Variants in GSK3B observed in about 807,000 individuals in gnomAD.
The protein encoded by GSK3B is glycogen synthase kinase 3 beta.
A neutral mutation model predicts 56.4 loss-of-function variants in GSK3B; 15 were observed. That is an observed-to-expected ratio of 0.27 (90% CI 0.18 to 0.41). The LOEUF is 0.41. GSK3B is among the 10% of genes least tolerant of loss of function. GSK3B has a pLI of 1.00. For synonymous variants in GSK3B, 181 were observed against 188.9 expected (o/e 0.96, Z 0.34); for missense variants, 300 against 513.4 (o/e 0.58, Z 4.02).
chr3:120,059,297 C>T (rs1419265265), intron 1 of GSK3B, among the ~76,000 whole-genome samples: 2 of 152,172 alleles, frequency 1.3e-5, no homozygotes, highest in African/African-American at 2.4e-5. Context: ...TTCTTCTCTT[C>T]GTTACTGCCC....
intron 1 of GSK3B, among the ~76,000 whole-genome samples, chr3:120,059,523 G>T (rs2058219539): frequency 6.6e-6 from 1 of 152,140 alleles, no homozygotes; most frequent in East Asian, 1.9e-4. Context: ...CAATCCTACA[G>T]CAAGTTTCAT....
intron 1 of GSK3B, among the ~76,000 whole-genome samples, chr3:120,017,467 C>T (rs1416803905): frequency 1.3e-5 from 2 of 152,154 alleles, no homozygotes; most frequent in Non-Finnish European, 2.9e-5. Context: ...TTCTGACAAC[C>T]CAAATGCCCC....
chr3:119,990,370 C>A (rs144739503), intron 2 of GSK3B, among the ~76,000 whole-genome samples: 232 of 152,274 alleles, frequency 1.5e-3, no homozygotes, highest in Middle Eastern at 3.4e-3. Context: ...TAAGAGAAAG[C>A]GCTCCTGATC....
chr3:120,040,375 G>C (rs75912592), intron 1 of GSK3B, among the ~76,000 whole-genome samples: 1 of 152,194 alleles, frequency 6.6e-6, no homozygotes, highest in Admixed American at 6.5e-5. Flanking sequence ...AAATATTCCC[G>C]CGAGGGAAGT....
At chr3:120,070,329 ATTG>A (rs1385253258) in intron 1 of GSK3B, among the ~76,000 whole-genome samples, 28 of 152,198 alleles carry the variant, frequency 1.8e-4, no homozygotes, top group African/African-American at 6.5e-4. Context: ...AAGCCTTATT[ATTG>A]TTATTACTGC....
chr3:119,993,517 A>G (rs1450330357), intron 2 of GSK3B, among the ~76,000 whole-genome samples: 1 of 152,188 alleles, frequency 6.6e-6, no homozygotes, highest in Admixed American at 6.5e-5. Context: ...CTTTCAAGCT[A>G]AAGATAAAAA....
intron 1 of GSK3B, among the ~76,000 whole-genome samples, chr3:120,067,950 A>G (rs1253918549): frequency 6.6e-6 from 1 of 152,270 alleles, no homozygotes; most frequent in African/African-American, 2.4e-5. Flanking sequence ...AAATGTGAAT[A>G]CTGACTGGAT....
At chr3:119,952,158 A>G (rs2057162981) in intron 2 of GSK3B, among the ~76,000 whole-genome samples, 1 of 152,268 alleles carries the variant, frequency 6.6e-6, no homozygotes, top group East Asian at 1.9e-4. Flanking sequence ...ACATTCCCCA[A>G]ATTTGCTGAA....
At chr3:119,930,144 T>G (rs2056932006) in intron 3 of GSK3B, among the ~76,000 whole-genome samples, 1 of 149,996 alleles carries the variant, frequency 6.7e-6, no homozygotes, top group Admixed American at 6.6e-5. Flanking sequence ...CACACACACA[T>G]TTATTTAATT....
intron 7 of GSK3B, among the ~76,000 whole-genome samples, chr3:119,899,866 A>T (rs1415291663): frequency 6.6e-6 from 1 of 151,994 alleles, no homozygotes; most frequent in Non-Finnish European, 1.5e-5. Flanking sequence ...GTCCTTCTAA[A>T]TCTTTTTCTA....
intron 4 of GSK3B, among the ~76,000 whole-genome samples, chr3:119,917,980 T>C (rs1399877425): frequency 6.6e-6 from 1 of 152,064 alleles, no homozygotes; most frequent in Non-Finnish European, 1.5e-5. Flanking sequence ...CTCCTTATAA[T>C]AACCTTATGT....
At chr3:119,952,396 G>A (rs995639031) in intron 2 of GSK3B, among the ~76,000 whole-genome samples, 7 of 151,548 alleles carry the variant, frequency 4.6e-5, no homozygotes, top group South Asian at 4.2e-4. Flanking sequence ...GCGGAGGCAG[G>A]AGAATTGCTT....
intron 7 of GSK3B, among the ~76,000 whole-genome samples, chr3:119,891,359 A>G (rs1263510610): frequency 6.6e-6 from 1 of 152,074 alleles, no homozygotes; most frequent in Non-Finnish European, 1.5e-5. Flanking sequence ...GACTATCTTT[A>G]ACACCACAAA....
chr3:119,829,570 A>G (rs1487999619), intron 10 of GSK3B, among the ~76,000 whole-genome samples: 1 of 152,220 alleles, frequency 6.6e-6, no homozygotes, highest in East Asian at 1.9e-4. Flanking sequence ...CCTCATCTAC[A>G]TGGCCACCAG....
chr3:120,017,815 T>C (rs757066933), intron 1 of GSK3B, among the ~76,000 whole-genome samples: 4 of 152,222 alleles, frequency 2.6e-5, no homozygotes, highest in African/African-American at 4.8e-5. Context: ...ACTATGCAGA[T>C]AGCAGTCTGA....
At chr3:119,944,883 C>T (rs2057084973) in intron 3 of GSK3B, among the ~76,000 whole-genome samples, 1 of 152,166 alleles carries the variant, frequency 6.6e-6, no homozygotes, top group African/African-American at 2.4e-5. Context: ...AAATCATCTT[C>T]AAGGATTTGC....
intron 1 of GSK3B, among the ~76,000 whole-genome samples, chr3:120,043,509 C>T (rs1261382070): frequency 6.6e-6 from 1 of 152,112 alleles, no homozygotes; most frequent in Non-Finnish European, 1.5e-5. Context: ...TACCTCTGCC[C>T]CTCCAGAAAA....
intron 1 of GSK3B, among the ~76,000 whole-genome samples, chr3:120,076,806 T>C (rs1328346410): frequency 1.3e-5 from 1 of 75,314 alleles, no homozygotes; most frequent in African/African-American, 6.0e-5. Flanking sequence ...AGAGCGAAAC[T>C]CCGTCTCAAA....
chr3:120,071,060 A>T (rs2058322693), intron 1 of GSK3B, among the ~76,000 whole-genome samples: 1 of 152,248 alleles, frequency 6.6e-6, no homozygotes, highest in Non-Finnish European at 1.5e-5. Context: ...GAGCTTCCAA[A>T]GTCTGATCCA....
Sources: allele counts gnomAD v4.1 joint callset (sites outside exome capture counted in the v4.1 genomes callset), GRCh38; gene constraint gnomAD v4.1.1; transcripts MANE v1.5; gene names NCBI Gene and HGNC (gene_info 2026-07-23, HGNC 2026-07-21).